CLEC16A: variants seen among roughly 807,000 people sequenced by gnomAD.
CLEC16A encodes protein CLEC16A.
In CLEC16A, 51 loss-of-function variants were observed where a neutral mutation model predicts 109.5. The ratio of observed to expected loss-of-function variants is 0.47; its 90% confidence interval spans 0.37 to 0.59. The LOEUF is 0.59. Among genes scored for constraint, CLEC16A ranks in the 20% least tolerant of loss-of-function variants. The pLI is 0.00. For synonymous variants in CLEC16A, 673 were observed against 564.2 expected (o/e 1.19, Z -2.73); for missense variants, 1,339 against 1,394.0 (o/e 0.96, Z 0.63).
At chr16:10,965,189 CAGG>C (rs2042442985) in intron 3 of CLEC16A, among the ~76,000 whole-genome samples, 2 of 152,224 alleles carry the variant, frequency 1.3e-5, no homozygotes, top group Non-Finnish European at 2.9e-5. Flanking sequence ...GTGGGAAACC[CAGG>C]CAGATGCCCC....
chr16:11,123,651 CCT>C (rs2153032463), intron 20 of CLEC16A, 89 bp from the exon 21 acceptor site: 1 of 1,223,802 alleles, frequency 8.2e-7, no homozygotes, highest in African/African-American at 1.5e-5. Flanking sequence ...AATTTGGAGA[CCT>C]CTTTCTAGAT....
intron 22 of CLEC16A, among the ~76,000 whole-genome samples, chr16:11,134,412 G>T (rs1246413254): frequency 6.6e-6 from 1 of 152,080 alleles, no homozygotes; most frequent in African/African-American, 2.4e-5. Flanking sequence ...GGTATCACTT[G>T]CTCTGCCTCA....
chr16:11,053,931 C>A (rs1192167899), intron 18 of CLEC16A, among the ~76,000 whole-genome samples: 1 of 152,240 alleles, frequency 6.6e-6, no homozygotes, highest in Non-Finnish European at 1.5e-5. Flanking sequence ...AGTGGCAGGT[C>A]ATGTGGCTCA....
chr16:11,061,264 CTG>C (rs1306775319), intron 19 of CLEC16A, among the ~76,000 whole-genome samples: 3 of 152,222 alleles, frequency 2.0e-5, no homozygotes, highest in African/African-American at 7.2e-5. Context: ...TAAAAAGTCT[CTG>C]CAGAGCACCT....
intron 7 of CLEC16A, among the ~76,000 whole-genome samples, chr16:10,973,823 G>A (rs541768285): frequency 2.0e-5 from 3 of 149,200 alleles, no homozygotes; most frequent in South Asian, 2.1e-4. Context: ...CTCCTGTCTC[G>A]GCCTCCCAAA....
At chr16:11,122,036 C>A (rs1452135297) in intron 20 of CLEC16A, among the ~76,000 whole-genome samples, 1 of 152,158 alleles carries the variant, frequency 6.6e-6, no homozygotes, top group African/African-American at 2.4e-5. Context: ...CCAGCTGACA[C>A]TTCAGGCCTG....
At position 11,027,545 on chromosome 16, in the gene CLEC16A, G is replaced by C. The variant is rs2046481582; in HGVS notation, c.1537+2624G>C. On this transcript the variant is annotated intron_variant, in intron 13 of 23. Coordinates refer to ENST00000409790, the MANE Select transcript of CLEC16A (RefSeq NM_015226.3). Reference sequence around the variant, plus strand: ...CTCTGACAGACAACACAGTGATTGAGGAGCACCTGGGGAAGTTTGGCATCA... The same window carrying C: ...CTCTGACAGACAACACAGTGATTGACGAGCACCTGGGGAAGTTTGGCATCA... The C allele has an allele frequency of 2.6e-6, 4 of 1,554,956 alleles. No homozygotes were observed. In the South Asian group the frequency reaches 4.4e-5, roughly 17 times the overall value.
Position 10,957,871 on chromosome 16 carries a change from T to C in CLEC16A, c.170T>C (p.Ile57Thr). 1 of 1,613,936 alleles carries C rather than the reference T, an allele frequency of 6.2e-7. No individual in the cohort carries two copies. Among genetic ancestry groups the C allele is most frequent in the Non-Finnish European group, 8.5e-7 (1 of 1,179,812 alleles). ...LVETIRSITE[I>T]LIWGDQNDSS... ...GAGACCATCCGTTCCATCACTGAGA[T>C]CCTGATCTGGGGAGATCAAAATGAC... The change falls in exon 2 of 24, where the codon ATC becomes ACC. Residue 57 changes from isoleucine (I) to threonine (T), a missense_variant. Physicochemically the swap from Ile to Thr is moderately conservative, Grantham distance 89. Coordinates refer to ENST00000409790, the MANE Select transcript of CLEC16A (RefSeq NM_015226.3).
chr16:10,976,829 G>A (rs964668040), intron 7 of CLEC16A, among the ~76,000 whole-genome samples: 4 of 152,204 alleles, frequency 2.6e-5, no homozygotes, highest in Admixed American at 6.5e-5. Context: ...GGGTGGCCAC[G>A]GCTCTGGAGG....
At chr16:11,164,585 C>A (rs145487501) in intron 22 of CLEC16A, among the ~76,000 whole-genome samples, 20 of 152,320 alleles carry the variant, frequency 1.3e-4, no homozygotes, top group Non-Finnish European at 2.8e-4. Context: ...GGGTGTCATC[C>A]CCTGCACCAG....
chr16:10,993,045 C>T (rs4781033), intron 10 of CLEC16A, among the ~76,000 whole-genome samples: 87,736 of 151,682 alleles, frequency 0.58, 27,062 homozygotes, highest in African/African-American at 0.79. Flanking sequence ...GAGAGGCCAG[C>T]ATTCAAGAAA....
chr16:10,996,371 G>A (rs1451501026), intron 10 of CLEC16A, among the ~76,000 whole-genome samples: 2 of 152,174 alleles, frequency 1.3e-5, no homozygotes, highest in Non-Finnish European at 2.9e-5. Flanking sequence ...AGCACCTTGG[G>A]TCCAAGGGTA....
intron 3 of CLEC16A, among the ~76,000 whole-genome samples, chr16:10,963,181 G>A (rs1567509919): frequency 6.6e-6 from 1 of 152,344 alleles, no homozygotes; most frequent in East Asian, 1.9e-4. Context: ...CTGTGTGTGA[G>A]TGGAGAGAAA....
At chr16:11,113,934 C>A (rs1038311618) in intron 19 of CLEC16A, among the ~76,000 whole-genome samples, 2 of 152,168 alleles carry the variant, frequency 1.3e-5, no homozygotes, top group Non-Finnish European at 2.9e-5. Context: ...GTGAAACTTT[C>A]GGTTTTAATA....
chr16:11,095,473 C>G (rs2050551689), intron 19 of CLEC16A, among the ~76,000 whole-genome samples: 1 of 152,132 alleles, frequency 6.6e-6, no homozygotes, highest in Non-Finnish European at 1.5e-5. Flanking sequence ...TCCAGGCAGT[C>G]AGCATAGCTG....
chr16:11,147,191 C>T (rs1597561636), intron 22 of CLEC16A, among the ~76,000 whole-genome samples: 1 of 152,176 alleles, frequency 6.6e-6, no homozygotes, highest in East Asian at 1.9e-4. Context: ...CACCTGGCAA[C>T]AGTTTGGCTA....
Position 10,950,077 on chromosome 16 carries a change from T to C in CLEC16A, c.80+5280T>C, listed in dbSNP as rs1196942585. On this transcript the variant is annotated intron_variant, in intron 1 of 23. Transcript: ENST00000409790. ...ACACAGTTAACACATTATTATATAC[T>C]TCTCATCGCCAAAGAGTGGGTCGGC... Among the ~76,000 whole-genome samples the C allele has an allele frequency of 5.9e-5, 9 of 152,238 alleles. No individual in the cohort carries two copies. In the East Asian group the frequency reaches 1.7e-3, roughly 29 times the overall value.
At chr16:11,073,888 A>G (rs2049205931) in intron 19 of CLEC16A, among the ~76,000 whole-genome samples, 1 of 152,244 alleles carries the variant, frequency 6.6e-6, no homozygotes, top group South Asian at 2.1e-4. Context: ...TTTCATTAAC[A>G]TAGAAATAGC....
intron 23 of CLEC16A, among the ~76,000 whole-genome samples, chr16:11,171,225 G>A (rs1463683144): frequency 6.6e-6 from 1 of 152,216 alleles, no homozygotes; most frequent in African/African-American, 2.4e-5. Flanking sequence ...GAAGGGGGAA[G>A]GGGACAGCCC....
Sources: gnomAD v4.1 joint callset for allele counts (sites outside exome capture counted in the v4.1 genomes callset) on GRCh38, gnomAD v4.1.1 for gene constraint, MANE v1.5 for transcripts, NCBI Gene and HGNC (gene_info 2026-07-23, HGNC 2026-07-21) for gene names.